The following TEAD1 variants were observed in gnomAD, a reference collection of about 807,000 sequenced individuals.
TEAD1 encodes the protein TEA domain transcription factor 1, also known as transcriptional enhancer factor TEF-1.
Under a neutral mutation model 54.9 loss-of-function variants are expected in TEAD1, and 9 were observed. That is an observed-to-expected ratio of 0.16 (90% CI 0.10 to 0.29). The LOEUF (loss-of-function observed/expected upper bound fraction) is 0.29. TEAD1 is among the 10% of genes least tolerant of loss of function. The probability of loss-of-function intolerance (pLI) is 1.00; values close to 1 mark genes in which losing one functional copy is unlikely to be tolerated. For missense variants in TEAD1, 387 were observed against 535.9 expected, an observed-to-expected ratio of 0.72 and a Z score of 2.74; for synonymous variants, 200 against 187.8, an observed-to-expected ratio of 1.07 and a Z score of -0.53.
intron 3 of TEAD1, chr11:12,823,635 A>G (rs571430906): frequency 1.3e-5 from 2 of 152,362 alleles, no homozygotes; most frequent in South Asian, 4.1e-4. Flanking sequence ...TTTTTCCTTC[A>G]GATCATTCTG....
chr11:12,795,958 C>T (rs1283054812), intron 3 of TEAD1, among the ~76,000 whole-genome samples: 1 of 152,144 alleles, frequency 6.6e-6, no homozygotes, highest in Non-Finnish European at 1.5e-5. Context: ...TATTCTGATT[C>T]ACAGTATAAG....
chr11:12,675,036 G>A (rs1171950070), intron 1 of TEAD1, among the ~76,000 whole-genome samples: 6 of 146,846 alleles, frequency 4.1e-5, no homozygotes, highest in African/African-American at 1.2e-4. Context: ...GGGCGCCGCC[G>A]CGCGACTTGC....
intron 3 of TEAD1, among the ~76,000 whole-genome samples, chr11:12,804,339 G>T (rs1946124318): frequency 6.6e-6 from 1 of 152,102 alleles, no homozygotes; most frequent in East Asian, 1.9e-4. Flanking sequence ...ACCTAGCATG[G>T]GTTCACCAAG....
rs1036393654 is a variant in TEAD1 at position 12,941,601 on chromosome 11, G to A, written c.*4379G>A. On this transcript the variant is annotated 3_prime_UTR_variant, in exon 13 of 13. Coordinates refer to ENST00000527636, the MANE Select transcript of TEAD1 (RefSeq NM_021961.6). ...TGGTACACTACCTGAACTAACGAAG[G>A]GTAGAACTAATTCTGTTTGTCAGTG... The A allele has an allele frequency of 1.3e-5, 2 of 152,556 alleles. No homozygotes were observed. Among genetic ancestry groups the A allele is most frequent in the African/African-American group, 4.8e-5 (2 of 41,420 alleles). 9.5% of individuals were successfully genotyped at this position (152,556 alleles called of 1,614,324 possible).
chr11:12,881,599 A>G (rs142895476), intron 7 of TEAD1, among the ~76,000 whole-genome samples: 1 of 152,364 alleles, frequency 6.6e-6, no homozygotes, highest in Non-Finnish European at 1.5e-5. Flanking sequence ...TTTGCCTAGA[A>G]GTGGTGACTG....
At chr11:12,746,553 C>T (rs1477626358) in intron 2 of TEAD1, among the ~76,000 whole-genome samples, 3 of 152,182 alleles carry the variant, frequency 2.0e-5, no homozygotes, top group Non-Finnish European at 4.4e-5. Flanking sequence ...ACTGAAGAAG[C>T]TGTAGTGGCG....
At chr11:12,886,036 C>T (rs561685840) in intron 9 of TEAD1, among the ~76,000 whole-genome samples, 47 of 152,296 alleles carry the variant, frequency 3.1e-4, no homozygotes, top group African/African-American at 9.6e-4. Context: ...GAATACTGAA[C>T]GCTGTGAGTA....
chr11:12,928,263 G>A (rs763226661), intron 11 of TEAD1, among the ~76,000 whole-genome samples: 3 of 148,018 alleles, frequency 2.0e-5, no homozygotes, highest in Non-Finnish European at 3.0e-5. Context: ...AGTAATATTC[G>A]TCTATACTTT....
chr11:12,896,830 T>G (rs1564981923), intron 9 of TEAD1, among the ~76,000 whole-genome samples: 1 of 152,196 alleles, frequency 6.6e-6, no homozygotes, highest in Non-Finnish European at 1.5e-5. Flanking sequence ...AGCACTTTGT[T>G]GTTAGCTCAT....
Position 12,719,600 on chromosome 11 carries a change from G to C in TEAD1, c.-55+44039G>C, listed in dbSNP as rs532990913. On this transcript the variant is annotated intron_variant, in intron 2 of 12. Transcript: ENST00000527636. ...GGGGGGAGGGGGGGCGGGGGGCTGT[G>C]TCAAAAAGGTCAGGCTAGGGGCAGG... 1.4e-3 allele frequency among the ~76,000 whole-genome samples: 216 copies of C among 151,520 alleles called. 1 individual carries two copies. The highest frequency in any genetic ancestry group is 2.9e-3 in the Non-Finnish European group (195 of 67,892).
intron 9 of TEAD1, among the ~76,000 whole-genome samples, chr11:12,884,382 A>G (rs935454220): frequency 2.0e-5 from 3 of 152,184 alleles, no homozygotes; most frequent in Admixed American, 6.5e-5. Context: ...TTCCCATCTC[A>G]TAAGTCCCAT....
chr11:12,810,329 G>C (rs2133987294), intron 3 of TEAD1, among the ~76,000 whole-genome samples: 1 of 152,274 alleles, frequency 6.6e-6, no homozygotes, highest in South Asian at 2.1e-4. Flanking sequence ...GTTTAGAGGT[G>C]TAAGGGAGCT....
At chr11:12,916,582 A>G (rs1402953120) in intron 10 of TEAD1, among the ~76,000 whole-genome samples, 1 of 152,192 alleles carries the variant, frequency 6.6e-6, no homozygotes, top group African/African-American at 2.4e-5. Context: ...TCCTCATATT[A>G]CCACCGTGGC....
At chr11:12,742,917 G>C (rs1944674773) in intron 2 of TEAD1, among the ~76,000 whole-genome samples, 1 of 152,200 alleles carries the variant, frequency 6.6e-6, no homozygotes, top group Admixed American at 6.5e-5. Context: ...GGAATTTGGA[G>C]TATATTCTTC....
chr11:12,777,558 A>C (rs1463158557), intron 3 of TEAD1, among the ~76,000 whole-genome samples: 1 of 152,232 alleles, frequency 6.6e-6, no homozygotes, highest in African/African-American at 2.4e-5. Context: ...TGTCCTGATA[A>C]GGACATTTGT....
intron 10 of TEAD1, among the ~76,000 whole-genome samples, chr11:12,914,102 T>G (rs536470425): frequency 6.6e-6 from 1 of 152,342 alleles, no homozygotes; most frequent in South Asian, 2.1e-4. Context: ...AGTGGTCACC[T>G]GAAGTTGTGT....
intron 3 of TEAD1, among the ~76,000 whole-genome samples, chr11:12,840,107 T>C (rs1171644272): frequency 6.6e-6 from 1 of 150,600 alleles, no homozygotes; most frequent in Non-Finnish European, 1.5e-5. Context: ...ATTAGCCAGG[T>C]GTGGTGGCGG....
rs746828404 is a variant in TEAD1 at position 12,785,362 on chromosome 11, A to G, written c.202+20928A>G. Among the ~76,000 whole-genome samples the G allele has an allele frequency of 6.1e-4, 93 of 152,158 alleles. 1 individual carries two copies. Among genetic ancestry groups the G allele is most frequent in the Non-Finnish European group, 7.8e-4 (53 of 68,032 alleles). On this transcript the variant is annotated intron_variant, in intron 3 of 12. Coordinates refer to ENST00000527636, the MANE Select transcript of TEAD1 (RefSeq NM_021961.6). ...GGGCGAGTTGGCCCAGCTTGGTTGC[A>G]GCTGCTCCTGCATGGCTCTTTCCTC...
intron 10 of TEAD1, among the ~76,000 whole-genome samples, chr11:12,916,029 G>A (rs1345515866): frequency 6.6e-6 from 1 of 152,104 alleles, no homozygotes. Context: ...TTCTGTTGCT[G>A]TCCGCTTCCT....
Sources: allele counts gnomAD v4.1 joint callset (sites outside exome capture counted in the v4.1 genomes callset), GRCh38; gene constraint gnomAD v4.1.1; transcripts MANE v1.5; gene names NCBI Gene and HGNC (gene_info 2026-07-23, HGNC 2026-07-21).